Variants in UBE2E2 observed in about 807,000 individuals in gnomAD.
UBE2E2 encodes the protein ubiquitin-conjugating enzyme E2 E2.
Under a neutral mutation model 24.7 loss-of-function variants are expected in UBE2E2, and 6 were observed. The observed-to-expected ratio is 0.24, with a 90% CI of 0.13 to 0.48. UBE2E2 has a LOEUF of 0.48. Ranked by LOEUF, UBE2E2 falls within the 20% of genes least tolerant of loss-of-function variation. The pLI is 0.99. For synonymous variants in UBE2E2, 104 were observed against 83.6 expected (o/e 1.24, Z -1.33); for missense variants, 169 against 245.0 (o/e 0.69, Z 2.07).
At chr3:23,270,920 C>A (rs1331726141) in intron 3 of UBE2E2, 2 of 456,548 alleles carry the variant, frequency 4.4e-6, no homozygotes, top group Admixed American at 2.4e-5. Context: ...ATCCTGCTGA[C>A]AACTAAGTTT....
At chr3:23,420,147 T>C (rs1382774863) in intron 3 of UBE2E2, among the ~76,000 whole-genome samples, 1 of 152,234 alleles carries the variant, frequency 6.6e-6, no homozygotes, top group Non-Finnish European at 1.5e-5. Flanking sequence ...GAATTATTAT[T>C]GTTTCAGTTA....
intron 3 of UBE2E2, among the ~76,000 whole-genome samples, chr3:23,296,175 G>C (rs898181004): frequency 6.6e-6 from 1 of 151,966 alleles, no homozygotes; most frequent in Admixed American, 6.6e-5. Flanking sequence ...AGTTCAGCTC[G>C]GGGAGCTTTC....
chr3:23,489,081 A>G (rs1052837976), intron 3 of UBE2E2, among the ~76,000 whole-genome samples: 1 of 152,174 alleles, frequency 6.6e-6, no homozygotes, highest in African/African-American at 2.4e-5. Flanking sequence ...ACAGGATAAG[A>G]GTCTTCACTT....
At chr3:23,434,151 G>A (rs1559382532) in intron 3 of UBE2E2, among the ~76,000 whole-genome samples, 1 of 152,080 alleles carries the variant, frequency 6.6e-6, no homozygotes, top group Non-Finnish European at 1.5e-5. Flanking sequence ...TGTATGAGCT[G>A]TGGGTGTTCC....
At chr3:23,554,949 C>T (rs551856434) in intron 5 of UBE2E2, among the ~76,000 whole-genome samples, 18 of 151,090 alleles carry the variant, frequency 1.2e-4, no homozygotes, top group Non-Finnish European at 5.9e-5. Flanking sequence ...TGGAGTATGG[C>T]TCTGTTGCCC....
intron 3 of UBE2E2, among the ~76,000 whole-genome samples, chr3:23,441,494 G>A (rs141497479): frequency 0.13 from 18,061 of 143,864 alleles, 1,208 homozygotes; most frequent in Middle Eastern, 0.22. Flanking sequence ...AGCCGAGATC[G>A]CGCCACTGCA....
chr3:23,537,351 A>G (rs2125489663), intron 5 of UBE2E2, among the ~76,000 whole-genome samples: 1 of 152,352 alleles, frequency 6.6e-6, no homozygotes, highest in African/African-American at 2.4e-5. Context: ...ATCAACACTC[A>G]GGATGGATGA....
At chr3:23,312,493 G>A (rs73136284) in intron 3 of UBE2E2, among the ~76,000 whole-genome samples, 168 of 149,000 alleles carry the variant, frequency 1.1e-3, no homozygotes, top group African/African-American at 3.5e-3. Context: ...TTTTTAATCC[G>A]TTAACCATCC....
At chr3:23,401,787 T>A (rs1320068002) in intron 3 of UBE2E2, among the ~76,000 whole-genome samples, 3 of 151,536 alleles carry the variant, frequency 2.0e-5, no homozygotes, top group African/African-American at 7.3e-5. Context: ...TTCAAGCAGT[T>A]CTCCTATCTC....
rs61177686 is a variant in UBE2E2, at chr3:23,456,791, C to T, written c.228-42817C>T. On this transcript the variant is annotated intron_variant, in intron 3 of 5. Coordinates refer to ENST00000396703, the MANE Select transcript of UBE2E2 (RefSeq NM_152653.4). The stretch of plus-strand genomic sequence containing the variant: ...TTTTGGATTAGTAAGTGAGCATTGG[C>T]TTCAACTTAAATGTCACCATCTGCA... 5.6e-4 allele frequency among the ~76,000 whole-genome samples: 86 copies of T among 152,316 alleles called. 3 individuals carry two copies. In the East Asian group the frequency reaches 0.015, roughly 27 times the overall value.
intron 3 of UBE2E2, among the ~76,000 whole-genome samples, chr3:23,396,784 A>G (rs547604004): frequency 6.6e-6 from 1 of 152,266 alleles, no homozygotes; most frequent in African/African-American, 2.4e-5. Context: ...CATAGTGAGC[A>G]CTCAATAAAT....
intron 3 of UBE2E2, among the ~76,000 whole-genome samples, chr3:23,413,299 A>G (rs1496653): frequency 0.25 from 38,390 of 152,038 alleles, 5,303 homozygotes; most frequent in African/African-American, 0.37. Flanking sequence ...AGTCACTAAT[A>G]TGAAATACAT....
intron 3 of UBE2E2, among the ~76,000 whole-genome samples, chr3:23,248,291 C>T (rs1396709047): frequency 1.3e-5 from 2 of 152,256 alleles, no homozygotes; most frequent in African/African-American, 4.8e-5. Flanking sequence ...AACCCACATC[C>T]TCACTGGTGT....
At chr3:23,311,546 G>T (rs1373992138) in intron 3 of UBE2E2, among the ~76,000 whole-genome samples, 2 of 152,062 alleles carry the variant, frequency 1.3e-5, no homozygotes, top group Non-Finnish European at 2.9e-5. Context: ...AGAGACTTGG[G>T]TTGCCAGTGG....
Position 23,403,464 on chromosome 3 carries a change from T to C in UBE2E2, c.228-96144T>C, listed in dbSNP as rs1391671516. On this transcript the variant is annotated intron_variant, in intron 3 of 5. Coordinates refer to ENST00000396703, the MANE Select transcript of UBE2E2 (RefSeq NM_152653.4). ...TACTTGGCTTTTCATGGAATAATGC[T>C]GCAGCCACATAACAGAACTCTGTCA... Among the ~76,000 whole-genome samples, 7 of 152,242 alleles carry C rather than the reference T, an allele frequency of 4.6e-5. No individual in the cohort carries two copies. In the East Asian group the frequency reaches 9.6e-4, roughly 21 times the overall value.
intron 3 of UBE2E2, among the ~76,000 whole-genome samples, chr3:23,344,149 T>C (rs1695479618): frequency 6.6e-6 from 1 of 152,186 alleles, no homozygotes. Flanking sequence ...GTTTACAGAT[T>C]TGGGGATGTC....
intron 3 of UBE2E2, among the ~76,000 whole-genome samples, chr3:23,318,753 C>G (rs1441080687): frequency 1.3e-5 from 2 of 152,078 alleles, no homozygotes; most frequent in Non-Finnish European, 2.9e-5. Context: ...CCACCAGGTC[C>G]CTCCCACAAC....
rs942753036 is a variant in UBE2E2 at position 23,533,147 on chromosome 3, A to C, written c.508+446A>C. Among the ~76,000 whole-genome samples, 10 of 152,308 alleles carry C rather than the reference A, an allele frequency of 6.6e-5. 2 individuals are homozygous for C. The highest frequency in any genetic ancestry group is 1.3e-4 in the Admixed American group (2 of 15,298). ...GGCATCCTAGTAACTGTGCATCCTGACAAGCTATTATAACGGTCCTGAATG... is the reference window on the plus strand; with the variant it reads ...GGCATCCTAGTAACTGTGCATCCTGCCAAGCTATTATAACGGTCCTGAATG... On this transcript the variant is annotated intron_variant, in intron 5 of 5. Transcript: ENST00000396703.
At chr3:23,289,861 A>T (rs1189486623) in intron 3 of UBE2E2, among the ~76,000 whole-genome samples, 2 of 152,194 alleles carry the variant, frequency 1.3e-5, no homozygotes. Context: ...TTTCTACCGT[A>T]GGAACAGAAT....
Sources: allele counts gnomAD v4.1 joint callset (sites outside exome capture counted in the v4.1 genomes callset), GRCh38; gene constraint gnomAD v4.1.1; transcripts MANE v1.5; gene names NCBI Gene and HGNC (gene_info 2026-07-23, HGNC 2026-07-21).